TMEM131L: variants seen among roughly 807,000 people sequenced by gnomAD.
The protein encoded by TMEM131L is transmembrane 131 like, also known as transmembrane protein 131-like.
In TMEM131L, 54 loss-of-function variants were observed where a neutral mutation model predicts 192.2. The observed-to-expected ratio is 0.28, with a 90% CI of 0.23 to 0.35. The LOEUF (loss-of-function observed/expected upper bound fraction) is 0.35. TMEM131L is among the 10% of genes least tolerant of loss of function. The pLI is 1.00. For synonymous variants in TMEM131L, 701 were observed against 704.9 expected, an observed-to-expected ratio of 0.99 and a Z score of 0.09; for missense variants, 1,888 against 1,972.9, an observed-to-expected ratio of 0.96 and a Z score of 0.82.
chr4:153,583,237 A>T lies in TMEM131L; in HGVS notation c.940A>T (p.Ile314Leu). 2.8e-6 allele frequency: 4 copies of T among 1,426,464 alleles called. 1 individual carries two copies. The highest frequency in any genetic ancestry group is 2.3e-5 in the South Asian group (2 of 87,134). The allele number at this position is 1,426,464 out of a possible 1,614,324, so 88.4% of individuals were successfully genotyped here. A position where few individuals can be genotyped will look rare whatever the true frequency, so the allele number is the denominator to read the frequency against. ...MYILHSGNSL[I>L]WIQDIRHFSQ... ...TATATTACATTCAGGAAACAGCCTTATATGGATACAGGTAATTGTAAATGC... is the reference window on the plus strand; with the variant it reads ...TATATTACATTCAGGAAACAGCCTTTTATGGATACAGGTAATTGTAAATGC... The change falls in exon 10 of 35, where the codon ATA (isoleucine) becomes TTA (leucine). Residue 314 changes from isoleucine (I) to leucine (L), a missense_variant. Coordinates refer to ENST00000409959, the MANE Select transcript of TMEM131L (RefSeq NM_001131007.2).
Position 153,634,265 on chromosome 4 carries a change from A to G in TMEM131L, c.4402A>G (p.Asn1468Asp). 6.2e-7 allele frequency: 1 copy of G among 1,613,680 alleles called. No homozygotes were observed. Among genetic ancestry groups the G allele is most frequent in the Non-Finnish European group, 8.5e-7 (1 of 1,179,656 alleles). Residue 1468 changes from asparagine to aspartate, a missense_variant, in exon 33 of 35, where the codon AAT becomes GAT. Asn to Asp is a conservative substitution (Grantham distance 23). Transcript: ENST00000409959. ...AYCPLELNDYNAFPEENMNYA... is the reference protein window; with the variant it reads ...AYCPLELNDYDAFPEENMNYA... ...CTGTCCATTGGAATTGAACGATTAC[A>G]ATGCCTTTCCAGAAGGTAAGGGCTC...
chr4:153,625,129 A>G (rs1733741640), intron 29 of TMEM131L, among the ~76,000 whole-genome samples: 1 of 152,148 alleles, frequency 6.6e-6, no homozygotes, highest in African/African-American at 2.4e-5. Flanking sequence ...TTAAAAATGG[A>G]GGCCGGGCGC....
At position 153,491,089 on chromosome 4, in the gene TMEM131L, C is replaced by T. The variant is rs140498782; in HGVS notation, c.239+17201C>T. ...ATACATTTGTGGCATGTGGAATAGGCTTTATGGACACACAGATATCAAGTA... is the reference window on the plus strand; with the variant it reads ...ATACATTTGTGGCATGTGGAATAGGTTTTATGGACACACAGATATCAAGTA... On this transcript the variant is annotated intron_variant, in intron 3 of 34. Transcript: ENST00000409959. Among the ~76,000 whole-genome samples, 303 of 152,122 alleles carry T rather than the reference C, an allele frequency of 2.0e-3. 12 individuals carry two copies. The East Asian group carries it at 0.045, about 23-fold the overall frequency.
At chr4:153,521,636 T>C (rs1735119014) in intron 3 of TMEM131L, among the ~76,000 whole-genome samples, 1 of 152,130 alleles carries the variant, frequency 6.6e-6, no homozygotes, top group Non-Finnish European at 1.5e-5. Context: ...CAGAAATCTT[T>C]TCATCTTGTA....
At chr4:153,634,094 C>A in intron 32 of TMEM131L, 98 bp from the exon 33 acceptor site, 1 of 992,742 alleles carries the variant, frequency 1.0e-6, no homozygotes, top group Non-Finnish European at 1.6e-6. Flanking sequence ...GGGGAATTCA[C>A]AGTGATTAGG....
At chr4:153,531,740 TC>T (rs1372006672) in intron 3 of TMEM131L, among the ~76,000 whole-genome samples, 5 of 152,230 alleles carry the variant, frequency 3.3e-5, no homozygotes, top group Non-Finnish European at 7.3e-5. Context: ...CGGAAATGCC[TC>T]CTAAGAAGAG....
chr4:153,572,273 G>C (rs1158363664), intron 7 of TMEM131L, among the ~76,000 whole-genome samples: 1 of 152,144 alleles, frequency 6.6e-6, no homozygotes, highest in Non-Finnish European at 1.5e-5. Flanking sequence ...AACTCATTCT[G>C]TCTGTCTAGC....
chr4:153,634,328 G>T, intron 33 of TMEM131L, 48 bp downstream of exon 33: 1 of 1,431,150 alleles, frequency 7.0e-7, no homozygotes. Flanking sequence ...ATTCTTAGAA[G>T]GTCAAAGCAG....
chr4:153,467,117 G>A, intron 1 of TMEM131L, 94 bp from the exon 2 acceptor site: 2 of 1,224,256 alleles, frequency 1.6e-6, no homozygotes, highest in East Asian at 2.5e-5. Flanking sequence ...ACGTGTTTTG[G>A]TGAGGCGGGG....
intron 7 of TMEM131L, among the ~76,000 whole-genome samples, chr4:153,566,497 T>TTG (rs1437535795): frequency 6.8e-6 from 1 of 146,456 alleles, no homozygotes; most frequent in Non-Finnish European, 1.5e-5. Flanking sequence ...AAAGGTAGTT[T>TTG]TGTCTTTGTG....
intron 34 of TMEM131L, 113 bp downstream of exon 34, chr4:153,635,684 C>G (rs1412733986): frequency 3.2e-6 from 4 of 1,233,076 alleles, no homozygotes; most frequent in Non-Finnish European, 4.5e-6. Context: ...CCAGCCAAAG[C>G]CTGGCTTGCT....
chr4:153,628,701 C>T (rs1734015354), intron 31 of TMEM131L, among the ~76,000 whole-genome samples: 2 of 152,052 alleles, frequency 1.3e-5, no homozygotes, highest in Non-Finnish European at 1.5e-5. Flanking sequence ...GATGTGGGGG[C>T]GGTTTAGATG....
intron 25 of TMEM131L, among the ~76,000 whole-genome samples, chr4:153,607,059 A>G (rs1732289765): frequency 6.6e-6 from 1 of 152,248 alleles, no homozygotes; most frequent in South Asian, 2.1e-4. Context: ...AAATTGTTCA[A>G]GAATTTTAAA....
chr4:153,573,226 A>G (rs1402303576), intron 7 of TMEM131L, among the ~76,000 whole-genome samples: 4 of 152,234 alleles, frequency 2.6e-5, no homozygotes, highest in Non-Finnish European at 4.4e-5. Flanking sequence ...TTTTTGAGGA[A>G]CCACCACAGC....
intron 20 of TMEM131L, among the ~76,000 whole-genome samples, chr4:153,598,313 T>C (rs1731590075): frequency 6.6e-6 from 1 of 152,146 alleles, no homozygotes; most frequent in Non-Finnish European, 1.5e-5. Context: ...TGAGGCTACA[T>C]GTGTGGGCTG....
chr4:153,603,858 A>G lies in TMEM131L; in HGVS notation c.2846A>G (p.Lys949Arg), dbSNP rs1213856159. ...TYGPSDKGRG[K>R]NCLPVNTPQS... is the part of the protein sequence containing the mutation. ...GGCCCCTCTGATAAAGGCAGGGGGA[A>G]GAACTGCCTTCCAGTGAACACTCCC... Residue 949 changes from lysine (K) to arginine (R), a missense_variant, in exon 25 of 35, where the codon AAG becomes AGG. Lys to Arg is a conservative substitution (Grantham distance 26). Transcript: ENST00000409959. 2 of 1,612,932 alleles carry G rather than the reference A, an allele frequency of 1.2e-6. No individual in the cohort carries two copies. The highest frequency in any genetic ancestry group is 2.2e-5 in the East Asian group (1 of 44,886).
chr4:153,627,725 G>C (rs530198328), intron 31 of TMEM131L, 38 bp downstream of exon 31: 3 of 1,527,138 alleles, frequency 2.0e-6, no homozygotes, highest in South Asian at 1.1e-5. Context: ...ATCAGCCAAG[G>C]GTTCTGTGCT....
intron 29 of TMEM131L, among the ~76,000 whole-genome samples, chr4:153,625,859 G>A (rs1422430236): frequency 6.6e-6 from 1 of 151,450 alleles, no homozygotes; most frequent in East Asian, 1.9e-4. Flanking sequence ...AGTGTGCCGA[G>A]ATCACACCAT....
intron 3 of TMEM131L, among the ~76,000 whole-genome samples, chr4:153,509,262 G>A (rs1230374406): frequency 3.9e-5 from 6 of 151,948 alleles, no homozygotes; most frequent in Admixed American, 3.9e-4. Flanking sequence ...TACTCTGGGA[G>A]GCTGAGGTGG....
Sources: allele counts gnomAD v4.1 joint callset (sites outside exome capture counted in the v4.1 genomes callset), GRCh38; gene constraint gnomAD v4.1.1; transcripts MANE v1.5; gene names NCBI Gene and HGNC (gene_info 2026-07-23, HGNC 2026-07-21).